AKAP12: variants seen among roughly 807,000 people sequenced by gnomAD.
The protein encoded by AKAP12 is A-kinase anchoring protein 12.
In AKAP12, 32 loss-of-function variants were observed where a neutral mutation model predicts 79.9. The ratio of observed to expected loss-of-function variants is 0.40; its 90% CI spans 0.30 to 0.54. AKAP12 has a LOEUF of 0.54. AKAP12 is among the 20% of genes least tolerant of loss of function. The probability of loss-of-function intolerance (pLI) is 0.48; values close to 1 mark genes in which losing one functional copy is unlikely to be tolerated. For synonymous variants in AKAP12, 808 were observed against 857.0 expected (o/e 0.94, Z 1.00); for missense variants, 2,074 against 2,177.0 (o/e 0.95, Z 0.94).
chr6:151,341,895 T>A, intron 3 of AKAP12: 2 of 912,528 alleles, frequency 2.2e-6, no homozygotes, highest in South Asian at 3.3e-5. Context: ...GCCCGTGGCA[T>A]CCCAGCCCAG....
chr6:151,274,014 G>C (rs1474830358), intron 2 of AKAP12, among the ~76,000 whole-genome samples: 1 of 150,718 alleles, frequency 6.6e-6, no homozygotes, highest in East Asian at 2.0e-4. Flanking sequence ...GGGCGACAGA[G>C]CAAGACTCTG....
intron 3 of AKAP12, among the ~76,000 whole-genome samples, chr6:151,338,466 T>C (rs1216158449): frequency 6.6e-6 from 1 of 152,080 alleles, no homozygotes; most frequent in African/African-American, 2.4e-5. Context: ...TTTTTTTTTT[T>C]TTTCCCCGAG....
intron 2 of AKAP12, among the ~76,000 whole-genome samples, chr6:151,243,524 A>G (rs935277168): frequency 1.3e-5 from 2 of 152,228 alleles, no homozygotes; most frequent in African/African-American, 4.8e-5. Context: ...TTGATTACTC[A>G]GGCTTAACGT....
At chr6:151,295,747 A>T (rs1325505980) in intron 2 of AKAP12, among the ~76,000 whole-genome samples, 2 of 152,220 alleles carry the variant, frequency 1.3e-5, no homozygotes, top group Non-Finnish European at 2.9e-5. Flanking sequence ...CCTACTCGGC[A>T]GTTGGTGGGA....
At chr6:151,318,042 C>T (rs527528890) in intron 3 of AKAP12, among the ~76,000 whole-genome samples, 1 of 152,208 alleles carries the variant, frequency 6.6e-6, no homozygotes, top group Non-Finnish European at 1.5e-5. Context: ...GTTTGTGTCC[C>T]CCTAAACGTA....
intron 3 of AKAP12, chr6:151,341,661 C>G (rs938491254): frequency 8.7e-7 from 1 of 1,143,546 alleles, no homozygotes; most frequent in South Asian, 1.7e-5. Flanking sequence ...CTGCGCGCGC[C>G]ATGCCCTGGT....
At chr6:151,341,018 T>C (rs1777930484) in intron 3 of AKAP12, among the ~76,000 whole-genome samples, 1 of 151,970 alleles carries the variant, frequency 6.6e-6, no homozygotes, top group Non-Finnish European at 1.5e-5. Context: ...ATTTCTCCAT[T>C]GTCGAGGTCC....
intron 3 of AKAP12, among the ~76,000 whole-genome samples, chr6:151,315,604 G>A (rs1355458227): frequency 1.3e-5 from 2 of 152,210 alleles, no homozygotes; most frequent in South Asian, 2.1e-4. Context: ...CACCTTGAGT[G>A]TAAAACAATT....
intron 2 of AKAP12, among the ~76,000 whole-genome samples, chr6:151,240,927 C>CG (rs1360982461): frequency 3.7e-4 from 57 of 152,302 alleles, no homozygotes; most frequent in African/African-American, 1.3e-3. Flanking sequence ...GCGAGCGCGG[C>CG]GGGGGGCTTG....
At chr6:151,266,415 A>C (rs980252313) in intron 2 of AKAP12, among the ~76,000 whole-genome samples, 4 of 152,236 alleles carry the variant, frequency 2.6e-5, no homozygotes, top group African/African-American at 7.2e-5. Context: ...TCAGTGCAGC[A>C]GAGCAGTCAG....
rs895985772 is a variant in AKAP12 at position 151,356,279 on chromosome 6, T to A, written c.*565T>A. On this transcript the variant is annotated 3_prime_UTR_variant, in exon 5 of 5. Coordinates refer to ENST00000402676, the MANE Select transcript of AKAP12 (RefSeq NM_005100.4). ...CTGATCAAGGTACAATTCTTTAAAATTCACTAATGATTGAGGTCCATATTT... is the reference window on the plus strand; with the variant it reads ...CTGATCAAGGTACAATTCTTTAAAAATCACTAATGATTGAGGTCCATATTT... 1 of 152,600 alleles carries A rather than the reference T, an allele frequency of 6.6e-6. No individual in the cohort carries two copies. The highest frequency in any genetic ancestry group is 1.5e-5 in the Non-Finnish European group (1 of 68,036). 9.5% of individuals were successfully genotyped at this position (152,600 alleles called of 1,614,324 possible).
rs773703880 is a variant in AKAP12, at chr6:151,349,876, CGTT to C, written c.1488_1490del (p.Val497del). 3 of 1,614,122 alleles carry C rather than the reference CGTT, an allele frequency of 1.9e-6. No homozygotes were observed. Among genetic ancestry groups the C allele is most frequent in the Non-Finnish European group, 2.5e-6 (3 of 1,180,026 alleles). On this transcript the variant is annotated inframe_deletion, in exon 4 of 5. Coordinates refer to ENST00000402676, the MANE Select transcript of AKAP12 (RefSeq NM_005100.4). ...AGGTGCTGTCCAAACCCCCCGAAGG[CGTT>C]GTGAGTGAGGTGGAAATGCTGTCAT...
At chr6:151,332,641 A>ATG (rs1777705366) in intron 3 of AKAP12, among the ~76,000 whole-genome samples, 1 of 152,174 alleles carries the variant, frequency 6.6e-6, no homozygotes, top group Non-Finnish European at 1.5e-5. Flanking sequence ...TGTATCACAC[A>ATG]TGGGTATGTG....
In AKAP12 at chr6:151,352,211, A is replaced by G. The variant is rs1778312809; in HGVS notation, c.3820A>G (p.Lys1274Glu). 1.2e-6 allele frequency: 2 copies of G among 1,614,114 alleles called. No homozygotes were observed. Among genetic ancestry groups the G allele is most frequent in the South Asian group, 2.2e-5 (2 of 91,092 alleles). The change falls in exon 4 of 5, where the codon AAA becomes GAA. Residue 1274 changes from lysine to glutamate, a missense_variant. Lys to Glu is a moderately conservative substitution (Grantham distance 56). Coordinates refer to ENST00000402676, the MANE Select transcript of AKAP12 (RefSeq NM_005100.4). ...AGAGGCTGACCAGTATGCTGATGAG[A>G]AAACCAAAGACGTACCATTTTTCGA... ...TQEADQYADEKTKDVPFFEGL... is the reference protein window; with the variant it reads ...TQEADQYADEETKDVPFFEGL...
chr6:151,280,807 T>G (rs1562719587), intron 2 of AKAP12, among the ~76,000 whole-genome samples: 1 of 152,010 alleles, frequency 6.6e-6, no homozygotes, highest in East Asian at 1.9e-4. Flanking sequence ...CGCCCAGCTC[T>G]TTTCTTTTTG....
chr6:151,273,165 C>T (rs1482483751), intron 2 of AKAP12, among the ~76,000 whole-genome samples: 1 of 152,168 alleles, frequency 6.6e-6, no homozygotes, highest in Non-Finnish European at 1.5e-5. Flanking sequence ...CCTCGGCCTC[C>T]CAAAGTGCTG....
rs1157088954 is a variant in AKAP12 at position 151,304,488 on chromosome 6, C to CAAAAAAAAAAAAAAAAAAAAAAAAAA, written c.163-1253_163-1228dup. ...TGGGTGAAACAGTGACACTCCATCT[C>CAAAAAAAAAAAAAAAAAAAAAAAAAA]AAAAAAAAAAAAAAAAAAAAAAAAA... On this transcript the variant is annotated intron_variant, in intron 2 of 4. Coordinates refer to ENST00000402676, the MANE Select transcript of AKAP12 (RefSeq NM_005100.4). 5.0e-4 allele frequency among the ~76,000 whole-genome samples: 23 copies of CAAAAAAAAAAAAAAAAAAAAAAAAAA among 46,004 alleles called. 1 individual carries two copies. The highest frequency in any genetic ancestry group is 2.0e-3 in the South Asian group (1 of 488). 30.2% of individuals were successfully genotyped at this position (46,004 alleles called of 152,430 possible).
chr6:151,280,646 C>CTTTTTTTTTTTTTTTTTTTTTTT (rs55889576), intron 2 of AKAP12: 1 of 119,532 alleles, frequency 8.4e-6, no homozygotes, highest in Non-Finnish European at 1.7e-5. Flanking sequence ...TTTTCATTTT[C>CTTTTTTTTTTTTTTTTTTTTTTT]TTTTTTTTTT....
At chr6:151,329,133 G>T (rs1221919003) in intron 3 of AKAP12, among the ~76,000 whole-genome samples, 7 of 133,818 alleles carry the variant, frequency 5.2e-5, no homozygotes, top group African/African-American at 2.2e-4. Context: ...CTTTTTTTTT[G>T]AGATGAAGTC....
Sources: allele counts gnomAD v4.1 joint callset (sites outside exome capture counted in the v4.1 genomes callset), GRCh38; gene constraint gnomAD v4.1.1; transcripts MANE v1.5; gene names NCBI Gene and HGNC (gene_info 2026-07-23, HGNC 2026-07-21).